Variants in CNTNAP2 observed in about 807,000 individuals in gnomAD.
CNTNAP2 encodes contactin associated protein 2, also known as contactin-associated protein-like 2.
Under a neutral mutation model 155.2 loss-of-function variants are expected in CNTNAP2, and 98 were observed. The ratio of observed to expected loss-of-function variants is 0.63; its 90% confidence interval spans 0.54 to 0.75. The LOEUF (loss-of-function observed/expected upper bound fraction) is 0.75, where lower values mean the gene tolerates loss of function less well. Ranked by LOEUF, CNTNAP2 falls within the 30% of genes least tolerant of loss-of-function variation. The probability of loss-of-function intolerance (pLI) is 0.00; values close to 1 mark genes in which losing one functional copy is unlikely to be tolerated. For synonymous variants in CNTNAP2, 651 were observed against 631.2 expected (o/e 1.03, Z -0.47); for missense variants, 1,727 against 1,688.1 (o/e 1.02, Z -0.40).
chr7:146,241,979 A>G (rs531077091), intron 1 of CNTNAP2, among the ~76,000 whole-genome samples: 15 of 152,302 alleles, frequency 9.8e-5, no homozygotes, highest in Non-Finnish European at 1.6e-4. Context: ...ATTTTATTCC[A>G]CCATTTAAAA....
At chr7:148,333,872 T>C (rs1345899033) in intron 21 of CNTNAP2, among the ~76,000 whole-genome samples, 1 of 151,780 alleles carries the variant, frequency 6.6e-6, no homozygotes, top group East Asian at 1.9e-4. Context: ...GTTCTACAAG[T>C]GAGGACACTG....
intron 9 of CNTNAP2, among the ~76,000 whole-genome samples, chr7:147,338,507 G>T (rs1795702739): frequency 6.6e-6 from 1 of 152,028 alleles, no homozygotes. Context: ...CCTGGTGATT[G>T]TTAATAAGTC....
At chr7:147,893,069 C>T (rs985035948) in intron 13 of CNTNAP2, among the ~76,000 whole-genome samples, 3 of 152,154 alleles carry the variant, frequency 2.0e-5, no homozygotes, top group Non-Finnish European at 2.9e-5. Flanking sequence ...TTTATCTTGA[C>T]TCATTCTTTG....
intron 1 of CNTNAP2, among the ~76,000 whole-genome samples, chr7:146,709,981 G>A (rs969361517): frequency 2.6e-5 from 4 of 152,134 alleles, no homozygotes; most frequent in Non-Finnish European, 4.4e-5. Context: ...TTTCACAATC[G>A]ATTAGGAGCT....
chr7:148,206,196 C>T (rs1162281374), intron 18 of CNTNAP2, among the ~76,000 whole-genome samples: 1 of 147,274 alleles, frequency 6.8e-6, no homozygotes, highest in Non-Finnish European at 1.5e-5. Flanking sequence ...TCAGGAATTA[C>T]ATATAATATA....
intron 10 of CNTNAP2, among the ~76,000 whole-genome samples, chr7:147,469,073 TCAGCCTCC>T (rs1428017531): frequency 1.3e-5 from 2 of 152,092 alleles, no homozygotes; most frequent in African/African-American, 4.8e-5. Flanking sequence ...TCCACCCACC[TCAGCCTCC>T]CAAAGTGCTG....
At chr7:146,535,130 A>T (rs58728049) in intron 1 of CNTNAP2, among the ~76,000 whole-genome samples, 1 of 4,704 alleles carries the variant, frequency 2.1e-4, no homozygotes, top group Admixed American at 2.9e-3. Context: ...TATCATATAT[A>T]ATATATTATA....
At chr7:146,884,154 GCA>G (rs1361698024) in intron 3 of CNTNAP2, among the ~76,000 whole-genome samples, 2 of 152,098 alleles carry the variant, frequency 1.3e-5, no homozygotes, top group African/African-American at 4.8e-5. Flanking sequence ...TTCAAGACCT[GCA>G]GTTAGCTCTG....
chr7:147,316,775 A>G (rs2692162), intron 9 of CNTNAP2, among the ~76,000 whole-genome samples: 79,849 of 152,036 alleles, frequency 0.53, 21,793 homozygotes, highest in East Asian at 0.73. Context: ...CTAAATGAGC[A>G]ACAGCAGAAA....
intron 13 of CNTNAP2, among the ~76,000 whole-genome samples, chr7:147,740,053 G>A (rs1796929559): frequency 6.6e-6 from 1 of 152,194 alleles, no homozygotes; most frequent in South Asian, 2.1e-4. Context: ...AGGGGGCTGT[G>A]GGAATGCTGT....
intron 13 of CNTNAP2, among the ~76,000 whole-genome samples, chr7:147,742,928 C>T (rs897333967): frequency 2.6e-5 from 4 of 152,134 alleles, no homozygotes; most frequent in Admixed American, 6.6e-5. Context: ...TCAGAAGCCT[C>T]GAGAAACTGA....
At chr7:146,660,899 C>A (rs895327696) in intron 1 of CNTNAP2, among the ~76,000 whole-genome samples, 1 of 152,138 alleles carries the variant, frequency 6.6e-6, no homozygotes, top group African/African-American at 2.4e-5. Context: ...CTCTTAGCCA[C>A]CTCACCATAG....
chr7:148,242,647 G>A (rs796843709), intron 20 of CNTNAP2, among the ~76,000 whole-genome samples: 8 of 152,310 alleles, frequency 5.3e-5, no homozygotes, highest in East Asian at 1.9e-4. Context: ...GAAGCTTGCC[G>A]TTGCATTCAA....
chr7:146,157,377 C>T (rs149920105), intron 1 of CNTNAP2, among the ~76,000 whole-genome samples: 114 of 152,200 alleles, frequency 7.5e-4, no homozygotes, highest in Middle Eastern at 3.4e-3. Flanking sequence ...GCTGAAGTAC[C>T]GGCTTCATCT....
In CNTNAP2 at chr7:148,092,403, A is replaced by T. The variant is rs1197986164; in HGVS notation, c.2384-25715A>T. ...CAGGAGAGCTCTAAAGCTTCCCTGA[A>T]AAAATGGAGAGGCTGGTTGTGTTTT... is the stretch of plus-strand genomic sequence containing the variant. On this transcript the variant is annotated intron_variant, in intron 15 of 23. Transcript: ENST00000361727. 2.6e-5 allele frequency among the ~76,000 whole-genome samples: 4 copies of T among 152,182 alleles called. No homozygotes were observed. The East Asian group carries it at 5.8e-4, about 22-fold the overall frequency.
chr7:147,283,509 A>C (rs1805099417), intron 8 of CNTNAP2, among the ~76,000 whole-genome samples: 1 of 151,892 alleles, frequency 6.6e-6, no homozygotes, highest in East Asian at 1.9e-4. Context: ...CTATATAATA[A>C]AAAAAGATTA....
chr7:146,458,577 C>T (rs924441644), intron 1 of CNTNAP2, among the ~76,000 whole-genome samples: 1 of 152,184 alleles, frequency 6.6e-6, no homozygotes, highest in Non-Finnish European at 1.5e-5. Flanking sequence ...TATACACATA[C>T]ATATACATAC....
chr7:148,393,080 G>A (rs1368600137), intron 22 of CNTNAP2, among the ~76,000 whole-genome samples: 1 of 152,090 alleles, frequency 6.6e-6, no homozygotes, highest in Non-Finnish European at 1.5e-5. Context: ...ATATCTTCAT[G>A]TGCAAAGAGT....
At chr7:146,498,587 A>G (rs1327272405) in intron 1 of CNTNAP2, among the ~76,000 whole-genome samples, 3 of 152,162 alleles carry the variant, frequency 2.0e-5, no homozygotes, top group African/African-American at 7.2e-5. Context: ...ACAATCAGTA[A>G]TAAAATTAAG....
Sources: gnomAD v4.1 joint callset for allele counts (sites outside exome capture counted in the v4.1 genomes callset) on GRCh38, gnomAD v4.1.1 for gene constraint, MANE v1.5 for transcripts, NCBI Gene and HGNC (gene_info 2026-07-23, HGNC 2026-07-21) for gene names.